The following CREB5 variants were observed in gnomAD, a reference collection of about 807,000 sequenced individuals.
CREB5 encodes cAMP responsive element binding protein 5.
In CREB5, 19 loss-of-function variants were observed where a neutral mutation model predicts 57.1. The ratio of observed to expected loss-of-function variants is 0.33; its 90% CI spans 0.23 to 0.49. CREB5 has a LOEUF of 0.49. Among genes scored for constraint, CREB5 ranks in the 20% least tolerant of loss-of-function variants. The probability of loss-of-function intolerance (pLI) is 0.99; values close to 1 mark genes in which losing one functional copy is unlikely to be tolerated. For missense variants in CREB5, 579 were observed against 671.6 expected (o/e 0.86, Z 1.52); for synonymous variants, 238 against 238.3 (o/e 1.00, Z 0.01).
intron 1 of CREB5, among the ~76,000 whole-genome samples, chr7:28,465,993 C>T (rs1055742811): frequency 3.9e-5 from 6 of 152,066 alleles, no homozygotes; most frequent in African/African-American, 9.7e-5. Context: ...TGTAGCACCT[C>T]ACTGGGGCAG....
chr7:28,473,994 T>C (rs1294649765), intron 1 of CREB5, among the ~76,000 whole-genome samples: 2 of 152,156 alleles, frequency 1.3e-5, no homozygotes, highest in Non-Finnish European at 2.9e-5. Flanking sequence ...CCTGGTTTTG[T>C]TGTTTGATTT....
chr7:28,303,871 G>T (rs1337164703), intron 1 of CREB5, among the ~76,000 whole-genome samples: 1 of 152,054 alleles, frequency 6.6e-6, no homozygotes, highest in African/African-American at 2.4e-5. Flanking sequence ...TTAAATATAT[G>T]CAAAGAAAAA....
At chr7:28,351,340 G>T (rs1023292317) in intron 1 of CREB5, among the ~76,000 whole-genome samples, 1 of 152,122 alleles carries the variant, frequency 6.6e-6, no homozygotes, top group African/African-American at 2.4e-5. Context: ...ACTCACAGGA[G>T]ATAGTTCCTA....
chr7:28,711,381 T>TTTAATTAAAAA (rs1802391790), intron 5 of CREB5, among the ~76,000 whole-genome samples: 1 of 152,260 alleles, frequency 6.6e-6, no homozygotes, highest in Non-Finnish European at 1.5e-5. Flanking sequence ...TTGAGTCTGC[T>TTTAATTAAAAA]GGCATTTTGA....
At position 28,717,766 on chromosome 7, in the gene CREB5, A is replaced by G. The variant is rs111339583; in HGVS notation, c.465-987A>G. On this transcript the variant is annotated intron_variant, in intron 5 of 10. Coordinates refer to ENST00000357727, the MANE Select transcript of CREB5 (RefSeq NM_182898.4). ...AGGTTGTTTAACATGGAAGCCTCAGAGGTCCTGGGAGGTTTTTGTTTGTTT... is the reference window on the plus strand; with the variant it reads ...AGGTTGTTTAACATGGAAGCCTCAGGGGTCCTGGGAGGTTTTTGTTTGTTT... 1.3e-3 allele frequency among the ~76,000 whole-genome samples: 203 copies of G among 152,310 alleles called. 1 individual carries two copies. The highest frequency in any genetic ancestry group is 4.5e-3 in the African/African-American group (188 of 41,582).
intron 5 of CREB5, among the ~76,000 whole-genome samples, chr7:28,717,741 A>C (rs1802780914): frequency 2.6e-5 from 4 of 152,208 alleles, no homozygotes; most frequent in African/African-American, 9.6e-5. Context: ...ATTCAGGAGA[A>C]GGTTGTTTAA....
At chr7:28,575,808 T>G (rs1274505992) in intron 5 of CREB5, among the ~76,000 whole-genome samples, 12 of 152,114 alleles carry the variant, frequency 7.9e-5, no homozygotes, top group Admixed American at 7.9e-4. Context: ...CTGGGAGGGT[T>G]GACAGACTTA....
intron 4 of CREB5, among the ~76,000 whole-genome samples, chr7:28,536,793 A>C (rs1793982159): frequency 6.6e-6 from 1 of 152,210 alleles, no homozygotes; most frequent in South Asian, 2.1e-4. Context: ...CTTAATTCTC[A>C]TACAACCCTA....
At chr7:28,622,528 T>C (rs553932730) in intron 5 of CREB5, among the ~76,000 whole-genome samples, 1 of 152,348 alleles carries the variant, frequency 6.6e-6, no homozygotes, top group East Asian at 1.9e-4. Flanking sequence ...AACAGAATAT[T>C]AGCTGACATT....
intron 1 of CREB5, among the ~76,000 whole-genome samples, chr7:28,476,630 T>C (rs1286504924): frequency 6.6e-6 from 1 of 152,256 alleles, no homozygotes; most frequent in East Asian, 1.9e-4. Context: ...TCTGGTTTAC[T>C]AATCACGATA....
chr7:28,512,417 G>A (rs868490431), intron 4 of CREB5, among the ~76,000 whole-genome samples: 9 of 152,150 alleles, frequency 5.9e-5, no homozygotes, highest in Non-Finnish European at 2.9e-5. Context: ...AGACCATGAG[G>A]TATGAAGAAT....
rs76884155 is a variant in CREB5, at chr7:28,716,127, T to G, written c.465-2626T>G. On this transcript the variant is annotated intron_variant, in intron 5 of 10. Coordinates refer to ENST00000357727, the MANE Select transcript of CREB5 (RefSeq NM_182898.4). ...CGTAACCATTAAGTTGTTTAATTAA[T>G]TTTTTCTCTAATTTTTTTTAATTTT... Among the ~76,000 whole-genome samples, 1,082 of 152,306 alleles carry G rather than the reference T, an allele frequency of 7.1e-3. 29 individuals are homozygous for G. The highest frequency in any genetic ancestry group is 0.025 in the African/African-American group (1,019 of 41,564).
At position 28,825,342 on chromosome 7, in the gene CREB5, T is replaced by C. The variant is rs1303433733; in HGVS notation, c.*6063T>C. On this transcript the variant is annotated 3_prime_UTR_variant, in exon 11 of 11. Coordinates refer to ENST00000357727, the MANE Select transcript of CREB5 (RefSeq NM_182898.4). The stretch of plus-strand genomic sequence containing the variant: ...AGGAATGTTGCCTTTGAGAACTGTC[T>C]TGGAGAACAGATAAGCTTGAAATGT... 6.6e-6 allele frequency: 1 copy of C among 152,346 alleles called. No individual in the cohort carries two copies. The highest frequency in any genetic ancestry group is 2.4e-5 in the African/African-American group (1 of 41,458). 9.4% of individuals were successfully genotyped at this position (152,346 alleles called of 1,614,324 possible).
At chr7:28,608,959 G>A (rs1191652547) in intron 5 of CREB5, 1 of 152,172 alleles carries the variant, frequency 6.6e-6, no homozygotes, top group Admixed American at 6.5e-5. Flanking sequence ...AGTCATCAGT[G>A]TTCATTCGTG....
At chr7:28,716,545 C>T (rs909887731) in intron 5 of CREB5, among the ~76,000 whole-genome samples, 6 of 152,138 alleles carry the variant, frequency 3.9e-5, no homozygotes, top group African/African-American at 1.4e-4. Flanking sequence ...TGTTGGGGTC[C>T]TCTCAGTGAA....
intron 5 of CREB5, among the ~76,000 whole-genome samples, chr7:28,638,344 T>C (rs1266495943): frequency 1.3e-5 from 2 of 151,250 alleles, no homozygotes; most frequent in Non-Finnish European, 2.9e-5. Flanking sequence ...GTTTGCATAT[T>C]CTTTTTTCTT....
chr7:28,528,772 T>TAAA (rs34947879), intron 4 of CREB5, among the ~76,000 whole-genome samples: 1 of 92,552 alleles, frequency 1.1e-5, no homozygotes, highest in South Asian at 3.7e-4. Flanking sequence ...TGTTTTAGGT[T>TAAA]AAAAAAAAAA....
chr7:28,724,399 C>A, intron 7 of CREB5, 67 bp downstream of exon 7: 1 of 1,378,470 alleles, frequency 7.3e-7, no homozygotes, highest in Non-Finnish European at 1.0e-6. Flanking sequence ...TACTCTGACT[C>A]CAAAACCTTA....
At chr7:28,304,137 A>G (rs941928941) in intron 1 of CREB5, among the ~76,000 whole-genome samples, 4 of 152,222 alleles carry the variant, frequency 2.6e-5, no homozygotes, top group Admixed American at 6.5e-5. Flanking sequence ...CAAGTCTTCT[A>G]TTAAAGATGT....
Sources: gnomAD v4.1 joint callset for allele counts (sites outside exome capture counted in the v4.1 genomes callset) on GRCh38, gnomAD v4.1.1 for gene constraint, MANE v1.5 for transcripts, NCBI Gene and HGNC (gene_info 2026-07-23, HGNC 2026-07-21) for gene names.